COL6A6: variants seen among roughly 807,000 people sequenced by gnomAD.
COL6A6 encodes collagen type VI alpha 6 chain.
Under a neutral mutation model 208.6 loss-of-function variants are expected in COL6A6, and 183 were observed. The observed-to-expected ratio is 0.88, with a 90% CI of 0.78 to 0.99. The LOEUF is 0.99. COL6A6 is among the 50% of genes least tolerant of loss of function. COL6A6 has a pLI of 0.00. For synonymous variants in COL6A6, 973 were observed against 1,011.8 expected (o/e 0.96, Z 0.73); for missense variants, 2,816 against 2,815.2 (o/e 1.00, Z -0.01).
chr3:130,673,205 A>C (rs2066268378), intron 36 of COL6A6, among the ~76,000 whole-genome samples: 2 of 121,972 alleles, frequency 1.6e-5, no homozygotes. Flanking sequence ...AAAACAAAAA[A>C]AACAAAAAAA....
chr3:130,535,031 C>T (rs2062190512), intron 1 of COL6A6, among the ~76,000 whole-genome samples: 2 of 152,162 alleles, frequency 1.3e-5, no homozygotes, highest in African/African-American at 2.4e-5. Flanking sequence ...GTCAAGTCTT[C>T]ATTTGCTCCA....
intron 36 of COL6A6, among the ~76,000 whole-genome samples, chr3:130,668,261 G>A (rs1185146989): frequency 6.6e-6 from 1 of 152,106 alleles, no homozygotes; most frequent in Non-Finnish European, 1.5e-5. Context: ...TGGATCACCT[G>A]AGGTCAGGAG....
chr3:130,594,406 G>A, intron 18 of COL6A6, 63 bp downstream of exon 18: 1 of 1,292,064 alleles, frequency 7.7e-7, no homozygotes, highest in Non-Finnish European at 1.1e-6. Context: ...CTGATAGGGA[G>A]TCTCGATTTC....
chr3:130,675,080 C>T (rs754625670), intron 36 of COL6A6, 122 bp from the exon 37 acceptor site: 2 of 623,952 alleles, frequency 3.2e-6, no homozygotes, highest in Non-Finnish European at 5.2e-6. Flanking sequence ...TTAAAATTAC[C>T]CTGGAGGAAG....
intron 8 of COL6A6, among the ~76,000 whole-genome samples, chr3:130,578,546 C>G (rs1174813110): frequency 3.3e-5 from 5 of 152,108 alleles, no homozygotes; most frequent in Non-Finnish European, 7.4e-5. Context: ...GTGCGTTGGT[C>G]ATGCAGAACA....
At chr3:130,557,996 T>C (rs2062804180) in intron 1 of COL6A6, among the ~76,000 whole-genome samples, 1 of 152,226 alleles carries the variant, frequency 6.6e-6, no homozygotes, top group African/African-American at 2.4e-5. Flanking sequence ...GCAAAACATA[T>C]TCAGATTAAA....
chr3:130,652,891 A>C (rs1440549829), intron 33 of COL6A6, among the ~76,000 whole-genome samples: 9 of 152,234 alleles, frequency 5.9e-5, no homozygotes, highest in Admixed American at 5.9e-4. Flanking sequence ...TAAGTAGTCC[A>C]TCATGAAATT....
chr3:130,624,475 G>A (rs2064827508), intron 24 of COL6A6, among the ~76,000 whole-genome samples: 1 of 152,144 alleles, frequency 6.6e-6, no homozygotes, highest in Non-Finnish European at 1.5e-5. Flanking sequence ...AAAAGGAAGG[G>A]ACTTCTATGG....
chr3:130,533,154 A>C (rs1225008012), intron 1 of COL6A6, among the ~76,000 whole-genome samples: 2 of 151,872 alleles, frequency 1.3e-5, no homozygotes, highest in Non-Finnish European at 1.5e-5. Flanking sequence ...CAGTGGCAGC[A>C]GTGGCAAAGA....
chr3:130,567,319 A>G, intron 5 of COL6A6, 57 bp downstream of exon 5: 1 of 1,296,968 alleles, frequency 7.7e-7, no homozygotes, highest in Non-Finnish European at 1.1e-6. Flanking sequence ...CTATCCTGGC[A>G]ATAATTGACA....
At chr3:130,589,681 A>T (rs1395071806) in intron 12 of COL6A6, among the ~76,000 whole-genome samples, 1 of 152,244 alleles carries the variant, frequency 6.6e-6, no homozygotes, top group East Asian at 1.9e-4. Context: ...ACAGATATAT[A>T]AACAAAAACA....
At chr3:130,625,290 G>C (rs1424422098) in intron 24 of COL6A6, among the ~76,000 whole-genome samples, 1 of 152,092 alleles carries the variant, frequency 6.6e-6, no homozygotes, top group Non-Finnish European at 1.5e-5. Flanking sequence ...CCTTATGTTG[G>C]TTTTCTGTCC....
intron 1 of COL6A6, among the ~76,000 whole-genome samples, chr3:130,532,334 C>A (rs143525032): frequency 6.6e-6 from 1 of 152,018 alleles, no homozygotes; most frequent in Non-Finnish European, 1.5e-5. Flanking sequence ...GTTTCTGTAC[C>A]CCCCCATCCC....
chr3:130,526,156 T>TA (rs949793986), intron 1 of COL6A6, among the ~76,000 whole-genome samples: 2 of 152,092 alleles, frequency 1.3e-5, no homozygotes, highest in Non-Finnish European at 2.9e-5. Flanking sequence ...TGACTGACTA[T>TA]AAAAAAGGTG....
Position 130,531,454 on chromosome 3 carries a change from T to C in COL6A6, c.-32+14057T>C, listed in dbSNP as rs1254529361. Among the ~76,000 whole-genome samples the C allele has an allele frequency of 2.6e-5, 4 of 152,168 alleles. No homozygotes were observed. The South Asian group carries it at 8.3e-4, about 32-fold the overall frequency. ...GGTATAAAAAGGAAAATGTATGAGC[T>C]CTTCCCCCTAGTTCACTCCCATTGA... On this transcript the variant is annotated intron_variant, in intron 1 of 36. Transcript: ENST00000358511.
intron 4 of COL6A6, 108 bp from the exon 5 acceptor site, chr3:130,566,594 C>A: frequency 2.3e-6 from 2 of 872,824 alleles, no homozygotes; most frequent in Non-Finnish European, 3.4e-6. Flanking sequence ...GAAGCTGTTT[C>A]CCATTTTTCT....
At chr3:130,667,388 C>T (rs547476826) in intron 36 of COL6A6, among the ~76,000 whole-genome samples, 1 of 152,096 alleles carries the variant, frequency 6.6e-6, no homozygotes, top group African/African-American at 2.4e-5. Context: ...AGGTGTGCAC[C>T]ACCACGCCTG....
intron 1 of COL6A6, among the ~76,000 whole-genome samples, chr3:130,531,299 TAACA>T (rs2062089600): frequency 7.4e-6 from 1 of 135,748 alleles, no homozygotes; most frequent in Non-Finnish European, 1.5e-5. Flanking sequence ...AGCAGCATAC[TAACA>T]ACAGTAGTGG....
At chr3:130,549,270 A>G (rs1414513799) in intron 1 of COL6A6, among the ~76,000 whole-genome samples, 1 of 152,148 alleles carries the variant, frequency 6.6e-6, no homozygotes, top group Non-Finnish European at 1.5e-5. Flanking sequence ...CCTGGGCACA[A>G]GTACTTCTTC....
Sources: gnomAD v4.1 joint callset for allele counts (sites outside exome capture counted in the v4.1 genomes callset) on GRCh38, gnomAD v4.1.1 for gene constraint, MANE v1.5 for transcripts, NCBI Gene and HGNC (gene_info 2026-07-23, HGNC 2026-07-21) for gene names.